OSBPL10: variants seen among roughly 807,000 people sequenced by gnomAD.
OSBPL10 encodes the protein oxysterol binding protein like 10.
Under a neutral mutation model 81.7 loss-of-function variants are expected in OSBPL10, and 49 were observed. The observed-to-expected ratio is 0.60, with a 90% CI of 0.48 to 0.76. OSBPL10 has a LOEUF of 0.76. OSBPL10 is among the 30% of genes least tolerant of loss of function. The pLI is 0.00. For missense variants in OSBPL10, 923 were observed against 987.8 expected, an observed-to-expected ratio of 0.93 and a Z score of 0.88; for synonymous variants, 419 against 383.6, an observed-to-expected ratio of 1.09 and a Z score of -1.08.
chr3:31,743,153 G>A (rs908385291), intron 5 of OSBPL10, among the ~76,000 whole-genome samples: 1 of 144,288 alleles, frequency 6.9e-6, no homozygotes, highest in Non-Finnish European at 1.5e-5. Flanking sequence ...CGAATCTCCT[G>A]CCTCAGCCTC....
chr3:31,707,424 C>G (rs1696106874), intron 6 of OSBPL10: 1 of 152,202 alleles, frequency 6.6e-6, no homozygotes, highest in African/African-American at 2.4e-5. Context: ...GAATGAACAT[C>G]AAATTCTCTT....
intron 2 of OSBPL10, among the ~76,000 whole-genome samples, chr3:32,041,889 A>T (rs944131903): frequency 6.6e-6 from 1 of 152,062 alleles, no homozygotes; most frequent in African/African-American, 2.4e-5. Context: ...CGAACTCCTG[A>T]CCTCAGGTGA....
chr3:31,769,011 G>C (rs910337814), intron 4 of OSBPL10, among the ~76,000 whole-genome samples: 10 of 152,090 alleles, frequency 6.6e-5, no homozygotes, highest in Non-Finnish European at 1.3e-4. Flanking sequence ...CTGAGAAGAC[G>C]GCAGCCGCGG....
At chr3:31,893,549 A>C (rs1034755648) in intron 1 of OSBPL10, among the ~76,000 whole-genome samples, 1 of 152,230 alleles carries the variant, frequency 6.6e-6, no homozygotes, top group Non-Finnish European at 1.5e-5. Flanking sequence ...AACAGAAATT[A>C]AAACAAATGT....
At chr3:31,728,343 A>G (rs962317891) in intron 6 of OSBPL10, among the ~76,000 whole-genome samples, 3 of 151,210 alleles carry the variant, frequency 2.0e-5, no homozygotes, top group Admixed American at 1.3e-4. Flanking sequence ...AGGCTTAAAA[A>G]CCCTCTGCTT....
chr3:32,004,422 C>G (rs771692798), intron 2 of OSBPL10, among the ~76,000 whole-genome samples: 2 of 152,196 alleles, frequency 1.3e-5, no homozygotes, highest in African/African-American at 4.8e-5. Context: ...ACCTGACTCC[C>G]TTGCCCAGAT....
chr3:31,976,393 A>G (rs2125499235), intron 1 of OSBPL10, among the ~76,000 whole-genome samples: 1 of 152,362 alleles, frequency 6.6e-6, no homozygotes, highest in South Asian at 2.1e-4. Context: ...CCACGGTCAC[A>G]TGTGTGCTAA....
intron 4 of OSBPL10, among the ~76,000 whole-genome samples, chr3:31,812,818 G>GAGAAAGAAAGAAAGAAAGAAAGAAAGAA (rs745663706): frequency 3.9e-5 from 1 of 25,880 alleles, no homozygotes; most frequent in Non-Finnish European, 7.1e-5. Context: ...AAGAAAGAAA[G>GAGAAAGAAAGAAAGAAAGAAAGAAAGAA]AGAAAGAAAG....
At chr3:31,738,600 C>T (rs1357479804) in intron 5 of OSBPL10, among the ~76,000 whole-genome samples, 1 of 152,134 alleles carries the variant, frequency 6.6e-6, no homozygotes, top group Non-Finnish European at 1.5e-5. Context: ...GTGGTACATG[C>T]TATCTGTGCA....
chr3:32,068,957 T>A lies in OSBPL10; in HGVS notation n.185+8439A>T, dbSNP rs182432660. On this transcript the variant is annotated intron_variant and non_coding_transcript_variant, in intron 1 of 3. Transcript: ENST00000479173. ...AACTCTTGTTCAGCCCCTGCTCCCC[T>A]ACCCTATAACCCTTCTATTACCTCC... is the stretch of plus-strand genomic sequence containing the variant. 2.7e-3 allele frequency among the ~76,000 whole-genome samples: 408 copies of A among 152,064 alleles called. 3 individuals carry two copies. Among genetic ancestry groups the A allele is most frequent in the African/African-American group, 9.3e-3 (384 of 41,450 alleles).
chr3:31,781,856 G>A (rs4955198), intron 4 of OSBPL10, among the ~76,000 whole-genome samples: 48,723 of 151,950 alleles, frequency 0.32, 8,203 homozygotes, highest in African/African-American at 0.44. Flanking sequence ...GGATGGCATC[G>A]ATATTGTGAA....
At chr3:31,729,887 C>T (rs1252134767) in intron 6 of OSBPL10, among the ~76,000 whole-genome samples, 5 of 152,168 alleles carry the variant, frequency 3.3e-5, no homozygotes, top group African/African-American at 1.2e-4. Flanking sequence ...TCTAAACACT[C>T]CAACCTCCAT....
intron 1 of OSBPL10, among the ~76,000 whole-genome samples, chr3:31,945,335 C>T (rs78868034): frequency 0.02 from 3,051 of 152,190 alleles, 115 homozygotes; most frequent in African/African-American, 0.068. Context: ...TGACATGGGG[C>T]TCCCAAAGTC....
At chr3:31,858,135 G>A (rs1700973811) in intron 3 of OSBPL10, among the ~76,000 whole-genome samples, 1 of 151,482 alleles carries the variant, frequency 6.6e-6, no homozygotes, top group Non-Finnish European at 1.5e-5. Context: ...TATCTAGCTG[G>A]AACTACAGGA....
intron 2 of OSBPL10, among the ~76,000 whole-genome samples, chr3:32,031,341 ACT>A (rs1010176178): frequency 5.3e-5 from 8 of 152,080 alleles, no homozygotes; most frequent in Non-Finnish European, 1.0e-4. Flanking sequence ...GGTATTTAAA[ACT>A]TTTTTATTTT....
At chr3:31,926,239 A>G (rs191570843) in intron 1 of OSBPL10, among the ~76,000 whole-genome samples, 2 of 148,296 alleles carry the variant, frequency 1.3e-5, no homozygotes, top group African/African-American at 5.0e-5. Flanking sequence ...CGCCCTCAAA[A>G]TCACTCTTTA....
At chr3:31,818,760 C>T (rs557018207) in intron 4 of OSBPL10, among the ~76,000 whole-genome samples, 1 of 150,208 alleles carries the variant, frequency 6.7e-6, no homozygotes, top group Non-Finnish European at 1.5e-5. Flanking sequence ...CTGGAGACCA[C>T]CTCAAAGTCC....
chr3:32,018,670 C>T (rs984960096), intron 2 of OSBPL10, among the ~76,000 whole-genome samples: 2 of 152,078 alleles, frequency 1.3e-5, no homozygotes, highest in African/African-American at 4.8e-5. Flanking sequence ...CACACCACTG[C>T]CCTCCAGCCT....
At chr3:31,974,368 G>A (rs1468621644) in intron 1 of OSBPL10, among the ~76,000 whole-genome samples, 1 of 152,026 alleles carries the variant, frequency 6.6e-6, no homozygotes, top group African/African-American at 2.4e-5. Context: ...TAATAAGCTG[G>A]ACATGAGCAA....
Sources: allele counts gnomAD v4.1 joint callset (sites outside exome capture counted in the v4.1 genomes callset), GRCh38; gene constraint gnomAD v4.1.1; transcripts MANE v1.5; gene names NCBI Gene and HGNC (gene_info 2026-07-23, HGNC 2026-07-21).